STXBP6: variants seen among roughly 807,000 people sequenced by gnomAD.
The protein encoded by STXBP6 is syntaxin-binding protein 6.
STXBP6 carries 21 observed loss-of-function variants against 26.9 expected under a neutral mutation model. That is an observed-to-expected ratio of 0.78 (90% CI 0.55 to 1.12). The LOEUF (loss-of-function observed/expected upper bound fraction) is 1.12, where lower values mean the gene tolerates loss of function less well. STXBP6 is among the 50% of genes most tolerant of loss of function. The probability of loss-of-function intolerance (pLI) is 0.00; values close to 1 mark genes in which losing one functional copy is unlikely to be tolerated. For missense variants in STXBP6, 232 were observed against 257.9 expected, an observed-to-expected ratio of 0.90 and a Z score of 0.69; for synonymous variants, 97 against 92.6, an observed-to-expected ratio of 1.05 and a Z score of -0.27.
intron 2 of STXBP6, among the ~76,000 whole-genome samples, chr14:24,930,340 C>A (rs141515750): frequency 7.2e-4 from 110 of 152,294 alleles, no homozygotes; most frequent in African/African-American, 2.5e-3. Flanking sequence ...AGAAATAAAT[C>A]TTTTATGATA....
intron 2 of STXBP6, among the ~76,000 whole-genome samples, chr14:24,974,189 G>C (rs2073982316): frequency 6.6e-6 from 1 of 151,930 alleles, no homozygotes; most frequent in Admixed American, 6.6e-5. Flanking sequence ...GCAACGACTT[G>C]TGAACTGAAT....
rs2069322922 is a variant in STXBP6, at chr14:24,856,078, C to A, written c.309G>T (p.Leu103Phe). 1.2e-6 allele frequency: 2 copies of A among 1,602,458 alleles called. No homozygotes were observed. The highest frequency in any genetic ancestry group is 1.7e-6 in the Non-Finnish European group (2 of 1,175,804). Residue 103 changes from leucine to phenylalanine, a missense_variant, in exon 4 of 6, where the codon TTG (leucine) becomes TTT (phenylalanine). Leu to Phe is a conservative substitution (Grantham distance 22). Coordinates refer to ENST00000323944, the MANE Select transcript of STXBP6 (RefSeq NM_001394410.1). ...CCCACTGGTCAAAAGCATTTTCAAA[C>A]AACAAATCAAACTCTGCCGAATCCT... is the stretch of plus-strand genomic sequence containing the variant. ...PNGDSAEFDL[L>F]FENAFDQWVA... is the part of the protein sequence containing the mutation.
Position 24,972,813 on chromosome 14 carries a change from CA to C in STXBP6, c.154+1851del, listed in dbSNP as rs200688804. 7.9e-4 allele frequency among the ~76,000 whole-genome samples: 120 copies of C among 151,904 alleles called. 2 individuals carry two copies. The East Asian group carries it at 0.018, about 23-fold the overall frequency. On this transcript the variant is annotated intron_variant, in intron 2 of 5. Coordinates refer to ENST00000323944, the MANE Select transcript of STXBP6 (RefSeq NM_001394410.1). The stretch of plus-strand genomic sequence containing the variant: ...TTGAAGACCAGCCTGGGCAACATAA[CA>C]AGACCCCATTGCTACAAAAACTACA...
chr14:24,999,099 A>G (rs1475593868), intron 1 of STXBP6, among the ~76,000 whole-genome samples: 1 of 152,220 alleles, frequency 6.6e-6, no homozygotes, highest in East Asian at 1.9e-4. Context: ...TTAAAAATAC[A>G]GTAAGTTGAA....
intron 1 of STXBP6, among the ~76,000 whole-genome samples, chr14:25,014,453 A>C (rs1181666219): frequency 6.6e-6 from 1 of 152,188 alleles, no homozygotes; most frequent in Non-Finnish European, 1.5e-5. Context: ...CGACAGAGGG[A>C]GACCCTGTCT....
intron 4 of STXBP6, among the ~76,000 whole-genome samples, chr14:24,824,382 C>A (rs751822481): frequency 1.3e-5 from 2 of 152,114 alleles, no homozygotes; most frequent in African/African-American, 2.4e-5. Flanking sequence ...CTGTGACTGT[C>A]ACTAAATATT....
intron 2 of STXBP6, among the ~76,000 whole-genome samples, chr14:24,862,090 T>C (rs1026099125): frequency 2.6e-5 from 4 of 152,218 alleles, no homozygotes; most frequent in African/African-American, 9.6e-5. Flanking sequence ...CTCAATCTCC[T>C]GGGCTCAAGC....
chr14:25,013,937 T>C (rs1465067629), intron 1 of STXBP6, among the ~76,000 whole-genome samples: 1 of 152,136 alleles, frequency 6.6e-6, no homozygotes, highest in Non-Finnish European at 1.5e-5. Context: ...TGTTAGAGAA[T>C]TTTTTTAGTG....
Position 24,857,111 on chromosome 14 carries a change from CTGTT to C in STXBP6, c.197_200del (p.Lys66SerfsTer46), listed in dbSNP as rs1566416288. The stretch of plus-strand genomic sequence containing the variant: ...GAACAAATGATGTGGAGCCTTCAAA[CTGTT>C]TGACCTTTGTGATGGACGCCTGTGT... On this transcript the variant is annotated frameshift_variant, in exon 3 of 6. Coordinates refer to ENST00000323944, the MANE Select transcript of STXBP6 (RefSeq NM_001394410.1). LOFTEE classifies it high-confidence loss of function. 5 of 1,613,088 alleles carry C rather than the reference CTGTT, an allele frequency of 3.1e-6. No homozygotes were observed. The highest frequency in any genetic ancestry group is 3.4e-6 in the Non-Finnish European group (4 of 1,179,276).
intron 4 of STXBP6, among the ~76,000 whole-genome samples, chr14:24,833,117 T>C (rs1002615070): frequency 6.6e-6 from 1 of 152,204 alleles, no homozygotes; most frequent in Non-Finnish European, 1.5e-5. Flanking sequence ...AGGTTCACCC[T>C]GTGAGGTGAA....
rs2033156985 is a variant in STXBP6 at position 25,049,755 on chromosome 14, T to G, written c.-33+123A>C. 4.1e-6 allele frequency: 4 copies of G among 985,534 alleles called. No individual in the cohort carries two copies. The highest frequency in any genetic ancestry group is 4.8e-6 in the Non-Finnish European group (4 of 830,050). The allele number at this position is 985,534 out of a possible 1,614,324, so 61.0% of individuals were successfully genotyped here. ...CTCTCTGGGAGCCTGCCTACTCCCC[T>G]GGCCTCACAGCCACCCGCCTCGGAC... On this transcript the variant is annotated intron_variant, in intron 1 of 5. Coordinates refer to ENST00000323944, the MANE Select transcript of STXBP6 (RefSeq NM_001394410.1). This position sits in a 1 kb window ranked among gnomAD's most constrained non-coding sequence, Gnocchi z 5.6.
intron 1 of STXBP6, among the ~76,000 whole-genome samples, chr14:25,024,541 C>A (rs1393164512): frequency 6.6e-6 from 1 of 152,110 alleles, no homozygotes; most frequent in Non-Finnish European, 1.5e-5. Flanking sequence ...TCTCTAGTTA[C>A]TTCTGGGGCC....
At chr14:25,011,469 C>T (rs1043767093) in intron 1 of STXBP6, among the ~76,000 whole-genome samples, 12 of 152,186 alleles carry the variant, frequency 7.9e-5, no homozygotes, top group African/African-American at 2.9e-4. Flanking sequence ...GAAACTCTTT[C>T]ATACCTGGGA....
intron 1 of STXBP6, among the ~76,000 whole-genome samples, chr14:24,983,438 GA>G (rs2074250633): frequency 6.6e-6 from 1 of 152,138 alleles, no homozygotes; most frequent in Non-Finnish European, 1.5e-5. Flanking sequence ...GACTTAACAT[GA>G]AAATAAACAT....
chr14:25,021,541 T>A (rs1012197648), intron 1 of STXBP6, among the ~76,000 whole-genome samples: 4 of 152,170 alleles, frequency 2.6e-5, no homozygotes, highest in Admixed American at 2.6e-4. Context: ...CTTGGCCCCA[T>A]CACTCACTAT....
At chr14:25,006,169 TG>T (rs2074893591) in intron 1 of STXBP6, among the ~76,000 whole-genome samples, 1 of 152,238 alleles carries the variant, frequency 6.6e-6, no homozygotes, top group African/African-American at 2.4e-5. Context: ...TTCCTCACGC[TG>T]AACTAGGGAT....
intron 2 of STXBP6, among the ~76,000 whole-genome samples, chr14:24,895,707 TA>T (rs534668649): frequency 1.3e-5 from 2 of 152,306 alleles, no homozygotes; most frequent in South Asian, 4.2e-4. Flanking sequence ...CACTAAATGT[TA>T]AAAGTGGTAG....
intron 2 of STXBP6, among the ~76,000 whole-genome samples, chr14:24,866,530 A>AT (rs1468544298): frequency 6.6e-6 from 1 of 152,116 alleles, no homozygotes; most frequent in Admixed American, 6.5e-5. Flanking sequence ...AACAAAGACA[A>AT]TTCCATTTAC....
intron 4 of STXBP6, among the ~76,000 whole-genome samples, chr14:24,850,963 T>C (rs2139123393): frequency 6.6e-6 from 1 of 152,218 alleles, no homozygotes; most frequent in East Asian, 1.9e-4. Flanking sequence ...GAAAATGGGT[T>C]TGCAAAGAAC....
Sources: gnomAD v4.1 joint callset for allele counts (sites outside exome capture counted in the v4.1 genomes callset) on GRCh38, gnomAD v4.1.1 for gene constraint, Gnocchi (gnomAD v3.1) non-coding constraint, MANE v1.5 for transcripts, NCBI Gene and HGNC (gene_info 2026-07-23, HGNC 2026-07-21) for gene names.